ZNF71: variants seen among roughly 807,000 people sequenced by gnomAD.
ZNF71 encodes zinc finger protein 71.
ZNF71 carries 3 observed loss-of-function variants against 6.7 expected under a neutral mutation model. The ratio of observed to expected loss-of-function variants is 0.45; its 90% CI spans 0.20 to 1.16. The LOEUF is 1.16. Among genes scored for constraint, ZNF71 ranks in the 50% most tolerant of loss-of-function variants. The probability of loss-of-function intolerance (pLI) is 0.25; values close to 1 mark genes in which losing one functional copy is unlikely to be tolerated. For missense variants in ZNF71, 688 were observed against 728.6 expected (o/e 0.94, Z 0.64); for synonymous variants, 343 against 311.1 (o/e 1.10, Z -1.08).
At position 56,618,169 on chromosome 19, in the gene ZNF71, C is replaced by T. The variant is rs2044812150; in HGVS notation, c.161-3099C>T. Among the ~76,000 whole-genome samples the T allele has an allele frequency of 6.6e-6, 1 of 152,180 alleles. No individual in the cohort carries two copies. Among genetic ancestry groups the T allele is most frequent in the East Asian group, 1.9e-4 (1 of 5,196 alleles). ...GAAAAGTGATGCATGGTAATATAGC[C>T]ACTCCTCAGGAGCCACAGCTCGGGG... is the stretch of plus-strand genomic sequence containing the variant. On this transcript the variant is annotated intron_variant, in intron 3 of 3. Transcript: ENST00000599599. This position sits in a 1 kb window ranked among gnomAD's most constrained non-coding sequence, Gnocchi z 4.6.
chr19:56,612,408 TACATACACACAC>T (rs2044758535), intron 2 of ZNF71, among the ~76,000 whole-genome samples: 1 of 151,948 alleles, frequency 6.6e-6, no homozygotes, highest in African/African-American at 2.4e-5. Context: ...CATACACACA[TACATACACACAC>T]ATACCATGGA....
intron 3 of ZNF71, among the ~76,000 whole-genome samples, chr19:56,619,539 C>T (rs967455414): frequency 2.6e-5 from 4 of 152,190 alleles, no homozygotes; most frequent in African/African-American, 9.7e-5. Context: ...TTGGGCTATC[C>T]AGTTGAGATG....
chr19:56,612,441 G>C (rs2044758869), intron 2 of ZNF71, among the ~76,000 whole-genome samples: 1 of 151,954 alleles, frequency 6.6e-6, no homozygotes, highest in African/African-American at 2.4e-5. Flanking sequence ...ATACTACTCA[G>C]CCATAAAAAA....
At position 56,622,552 on chromosome 19, in the gene ZNF71, G is replaced by A. The variant is rs769008342; in HGVS notation, c.1445G>A (p.Ser482Asn). 9 of 1,612,656 alleles carry A rather than the reference G, an allele frequency of 5.6e-6. No homozygotes were observed. The highest frequency in any genetic ancestry group is 1.3e-5 in the African/African-American group (1 of 74,590). The part of the protein sequence containing the change: ...CGECGKAFSQ[S>N]AYLIEHQRIH... ...GAGTGCGGCAAGGCCTTCAGCCAGA[G>A]CGCCTACCTCATCGAGCACCAGCGG... Residue 482 changes from serine to asparagine, a missense_variant, in exon 4 of 4, where the codon AGC becomes AAC. By Grantham distance (46) the Ser-to-Asn change is conservative. Transcript: ENST00000599599.
rs371046743 is a variant in ZNF71, at chr19:56,621,714, T to C, written c.607T>C (p.Ser203Pro). The C allele has an allele frequency of 1.9e-6, 3 of 1,613,976 alleles. 1 individual carries two copies. The Admixed American group carries it at 5.0e-5, about 27-fold the overall frequency. The change falls in exon 4 of 4, where the codon TCG (serine) becomes CCG (proline). Residue 203 changes from serine to proline, a missense_variant. Coordinates refer to ENST00000599599, the MANE Select transcript of ZNF71 (RefSeq NM_001370215.1). Reference protein sequence around the residue: ...SECGKAFSRSSSLIKHQRIHT... With the variant: ...SECGKAFSRSPSLIKHQRIHT... ...GTGTGGCAAGGCCTTTAGCCGAAGC[T>C]CGTCCCTGATAAAGCACCAAAGGAT...
intron 1 of ZNF71, among the ~76,000 whole-genome samples, chr19:56,597,084 G>A (rs1329352148): frequency 1.3e-5 from 2 of 152,064 alleles, no homozygotes; most frequent in Non-Finnish European, 2.9e-5. Flanking sequence ...ATTACATTTT[G>A]TTATTTCATT....
At chr19:56,597,139 A>G (rs909549946) in intron 1 of ZNF71, among the ~76,000 whole-genome samples, 2 of 152,174 alleles carry the variant, frequency 1.3e-5, no homozygotes, top group Admixed American at 1.3e-4. Flanking sequence ...ATATTTTCTT[A>G]TGATTTTAAA....
chr19:56,608,088 CT>C (rs34027481), intron 2 of ZNF71, among the ~76,000 whole-genome samples: 42,242 of 151,788 alleles, frequency 0.28, 7,478 homozygotes, highest in Non-Finnish European at 0.39. Flanking sequence ...ACCTTTTTGT[CT>C]TTTTTTTTCC....
chr19:56,622,854 TG>T lies in ZNF71; in HGVS notation c.*101del. On this transcript the variant is annotated 3_prime_UTR_variant, in exon 4 of 4. Transcript: ENST00000599599. ...TGCTGTGAGAAGTTCTCCCCTGGGG[TG>T]GGGACTCGGGGTCAGGGGAGCTCAG... 1 of 1,472,430 alleles carries T rather than the reference TG, an allele frequency of 6.8e-7. No homozygotes were observed. Among genetic ancestry groups the T allele is most frequent in the South Asian group, 1.4e-5 (1 of 72,722 alleles). The allele number at this position is 1,472,430 out of a possible 1,614,324, so 91.2% of individuals were successfully genotyped here.
At position 56,613,593 on chromosome 19, in the gene ZNF71, A is replaced by G. The variant is rs1467332062; in HGVS notation, c.34-219A>G. Among the ~76,000 whole-genome samples the G allele has an allele frequency of 1.3e-5, 2 of 152,204 alleles. No homozygotes were observed. Among genetic ancestry groups the G allele is most frequent in the African/African-American group, 2.4e-5 (1 of 41,454 alleles). On this transcript the variant is annotated intron_variant, in intron 2 of 3. Transcript: ENST00000599599. This position sits in a 1 kb window ranked among gnomAD's most constrained non-coding sequence, Gnocchi z 4.6. ...CAGATCTGTGACCTTCTGTTCCAGA[A>G]TGTTTCATATGGGATTTATTTCTCT... is the stretch of plus-strand genomic sequence containing the variant.
chr19:56,621,965 T>G lies in ZNF71; in HGVS notation c.858T>G (p.Thr286=). ...TGTGTGGCAAGGCCTTCCGGAAGAC[T>G]TCCTCTCTCACCCAGCACGAGCGGA... ...CDVCGKAFRK[T]SSLTQHERIH... The change falls in exon 4 of 4, where the codon ACT becomes ACG. Residue 286 remains threonine, a synonymous_variant. Coordinates refer to ENST00000599599, the MANE Select transcript of ZNF71 (RefSeq NM_001370215.1). The G allele has an allele frequency of 6.3e-7, 1 of 1,575,014 alleles. No homozygotes were observed. The highest frequency in any genetic ancestry group is 8.6e-7 in the Non-Finnish European group (1 of 1,163,780).
At chr19:56,621,141 G>C in intron 3 of ZNF71, 127 bp from the exon 4 acceptor site, 1 of 915,584 alleles carries the variant, frequency 1.1e-6, no homozygotes, top group Admixed American at 3.5e-5. Context: ...GTTCTTCTTT[G>C]CTAACTCGCT....
At chr19:56,609,651 T>C (rs60165282) in intron 2 of ZNF71, among the ~76,000 whole-genome samples, 19,571 of 133,562 alleles carry the variant, frequency 0.15, 2,074 homozygotes, top group East Asian at 0.32. Context: ...TTTTGCCTGT[T>C]CTGGACATTG....
intron 1 of ZNF71, among the ~76,000 whole-genome samples, chr19:56,595,933 G>C (rs1407286655): frequency 6.6e-6 from 1 of 151,014 alleles, no homozygotes; most frequent in Non-Finnish European, 1.5e-5. Context: ...GGCTGGGTCT[G>C]TGAATGAATG....
intron 1 of ZNF71, among the ~76,000 whole-genome samples, chr19:56,596,303 T>G (rs1227553382): frequency 1.3e-5 from 2 of 152,144 alleles, no homozygotes; most frequent in Non-Finnish European, 2.9e-5. Context: ...TATTTCTTGA[T>G]GTTTGCGTGT....
intron 1 of ZNF71, among the ~76,000 whole-genome samples, chr19:56,600,657 A>G (rs57158425): frequency 0.048 from 7,246 of 151,968 alleles, 562 homozygotes; most frequent in African/African-American, 0.16. Flanking sequence ...TTGTCTTTCT[A>G]TGCCTGGCTT....
intron 2 of ZNF71, among the ~76,000 whole-genome samples, chr19:56,604,528 T>A (rs868819788): frequency 2.0e-5 from 3 of 152,218 alleles, no homozygotes; most frequent in Non-Finnish European, 4.4e-5. Flanking sequence ...TTTGTACACA[T>A]TTAACCTTAC....
At chr19:56,614,280 CACA>C (rs1221090629) in intron 3 of ZNF71, among the ~76,000 whole-genome samples, 2 of 152,106 alleles carry the variant, frequency 1.3e-5, no homozygotes, top group African/African-American at 2.4e-5. Context: ...ACTGGAGACA[CACA>C]AATTGAGGTA....
At position 56,613,698 on chromosome 19, in the gene ZNF71, C is replaced by G. The variant is rs2044768671; in HGVS notation, c.34-114C>G. On this transcript the variant is annotated intron_variant, in intron 2 of 3. Transcript: ENST00000599599. The surrounding 1 kb of genome is among the most constrained non-coding windows in gnomAD (Gnocchi z 4.6). ...TTAGAACTCTGCATCTTATTGAAATCACTTCAGCTACATCCCATCTGCCTC... is the reference window on the plus strand; with the variant it reads ...TTAGAACTCTGCATCTTATTGAAATGACTTCAGCTACATCCCATCTGCCTC... 1 of 872,720 alleles carries G rather than the reference C, an allele frequency of 1.1e-6. No homozygotes were observed. The highest frequency in any genetic ancestry group is 1.8e-5 in the African/African-American group (1 of 54,950). 54.1% of individuals were successfully genotyped at this position (872,720 alleles called of 1,614,324 possible). A position where few individuals can be genotyped will look rare whatever the true frequency, so the allele number is the denominator to read the frequency against.
Sources: allele counts gnomAD v4.1 joint callset (sites outside exome capture counted in the v4.1 genomes callset), GRCh38; gene constraint gnomAD v4.1.1; non-coding constraint Gnocchi (gnomAD v3.1); transcripts MANE v1.5; gene names NCBI Gene and HGNC (gene_info 2026-07-23, HGNC 2026-07-21).